EDIL3: variants seen among roughly 807,000 people sequenced by gnomAD.
EDIL3 encodes the protein EGF like and discoidin domains 3.
Under a neutral mutation model 67.4 loss-of-function variants are expected in EDIL3, and 37 were observed. The observed-to-expected ratio is 0.55, with a 90% CI of 0.42 to 0.72. EDIL3 has a LOEUF of 0.72. Among genes scored for constraint, EDIL3 ranks in the 30% least tolerant of loss-of-function variants. The pLI is 0.00. For missense variants in EDIL3, 527 were observed against 586.3 expected, an observed-to-expected ratio of 0.90 and a Z score of 1.04; for synonymous variants, 195 against 196.3, an observed-to-expected ratio of 0.99 and a Z score of 0.05.
intron 4 of EDIL3, among the ~76,000 whole-genome samples, chr5:84,161,004 T>G (rs753442289): frequency 2.0e-5 from 3 of 151,888 alleles, no homozygotes; most frequent in Non-Finnish European, 2.9e-5. Flanking sequence ...CCCACCCTTC[T>G]TCACAAGCCC....
chr5:84,134,302 T>C (rs922964071), intron 5 of EDIL3, among the ~76,000 whole-genome samples: 1 of 152,206 alleles, frequency 6.6e-6, no homozygotes, highest in African/African-American at 2.4e-5. Context: ...TTTGAAAATA[T>C]TTCATTTAAT....
intron 1 of EDIL3, among the ~76,000 whole-genome samples, chr5:84,275,644 T>C (rs536626863): frequency 6.6e-6 from 1 of 152,262 alleles, no homozygotes; most frequent in African/African-American, 2.4e-5. Flanking sequence ...TCTCTGGGAG[T>C]TCTTTAGCTT....
chr5:84,246,137 A>G (rs1352368775), intron 2 of EDIL3, among the ~76,000 whole-genome samples: 1 of 152,216 alleles, frequency 6.6e-6, no homozygotes, highest in African/African-American at 2.4e-5. Flanking sequence ...AAAATTAAAA[A>G]GAGAAGCAAC....
rs1265987698 is a variant in EDIL3, at chr5:84,048,304, G to A, written c.1137+11996C>T. ...ATAAATTGTTCAGAAGGCAAAATAA[G>A]TTAATGCTTTAATGAAGTTATAAAT... On this transcript the variant is annotated intron_variant, in intron 9 of 10. Transcript: ENST00000296591. 14 of 425,760 alleles carry A rather than the reference G, an allele frequency of 3.3e-5. No homozygotes were observed. The Admixed American group carries it at 3.7e-4, about 11-fold the overall frequency. 26.4% of individuals were successfully genotyped at this position (425,760 alleles called of 1,614,324 possible).
At chr5:84,254,059 T>C in intron 2 of EDIL3, 25 bp downstream of exon 2, 3 of 1,569,828 alleles carry the variant, frequency 1.9e-6, no homozygotes, top group South Asian at 2.5e-5. Flanking sequence ...AGATAACTAC[T>C]GAAATACTTA....
chr5:83,951,872 T>C (rs909006233), intron 10 of EDIL3, among the ~76,000 whole-genome samples: 1 of 151,756 alleles, frequency 6.6e-6, no homozygotes, highest in African/African-American at 2.4e-5. Flanking sequence ...GATTAGGGAA[T>C]CCTATTCTGC....
chr5:84,194,439 G>GA (rs1049790167), intron 3 of EDIL3, among the ~76,000 whole-genome samples: 8 of 151,632 alleles, frequency 5.3e-5, no homozygotes, highest in African/African-American at 1.2e-4. Context: ...ATGTGTGGAA[G>GA]AAAAAACCAA....
intron 1 of EDIL3, among the ~76,000 whole-genome samples, chr5:84,363,446 C>CAAA (rs34829764): frequency 2.6e-5 from 2 of 76,670 alleles, no homozygotes; most frequent in Non-Finnish European, 2.8e-5. Flanking sequence ...AAGACTCTGT[C>CAAA]AAAAAAAAAA....
chr5:84,144,871 T>C (rs1748266113), intron 4 of EDIL3, among the ~76,000 whole-genome samples: 1 of 152,122 alleles, frequency 6.6e-6, no homozygotes, highest in African/African-American at 2.4e-5. Flanking sequence ...ATCAACCATT[T>C]TGGAGTTTTT....
At chr5:84,217,504 C>A (rs1330524857) in intron 3 of EDIL3, among the ~76,000 whole-genome samples, 1 of 152,012 alleles carries the variant, frequency 6.6e-6, no homozygotes, top group Non-Finnish European at 1.5e-5. Flanking sequence ...AAAAAGATGA[C>A]CCTTGATAAT....
chr5:84,132,508 A>ATATTTTAATATAT (rs1748004591), intron 5 of EDIL3, among the ~76,000 whole-genome samples: 1 of 58,182 alleles, frequency 1.7e-5, no homozygotes, highest in Non-Finnish European at 3.4e-5. Context: ...TTTTATATAT[A>ATATTTTAATATAT]ATATATATTT....
At chr5:84,012,516 T>G (rs1561402703) in intron 9 of EDIL3, among the ~76,000 whole-genome samples, 3 of 152,108 alleles carry the variant, frequency 2.0e-5, no homozygotes, top group Admixed American at 2.0e-4. Context: ...TAAAACAAAC[T>G]CTTTTCATTT....
At chr5:84,303,826 G>A (rs200012057) in intron 1 of EDIL3, among the ~76,000 whole-genome samples, 28 of 146,504 alleles carry the variant, frequency 1.9e-4, no homozygotes, top group Non-Finnish European at 3.7e-4. Context: ...GTGTGTGTGT[G>A]TGTGTGTGTG....
chr5:84,117,221 G>A (rs1255077735), intron 5 of EDIL3, among the ~76,000 whole-genome samples: 2 of 151,562 alleles, frequency 1.3e-5, no homozygotes, highest in East Asian at 1.9e-4. Context: ...TAGTAGAGAC[G>A]GGGTTTCACC....
intron 2 of EDIL3, among the ~76,000 whole-genome samples, chr5:84,238,312 T>A (rs1466689957): frequency 6.6e-6 from 1 of 152,084 alleles, no homozygotes; most frequent in African/African-American, 2.4e-5. Flanking sequence ...AATTTTACAA[T>A]GGCTTTGAAA....
chr5:84,055,068 G>C (rs1408735292), intron 9 of EDIL3, among the ~76,000 whole-genome samples: 1 of 146,174 alleles, frequency 6.8e-6, no homozygotes, highest in African/African-American at 2.7e-5. Flanking sequence ...GTACTACAAG[G>C]CTACAGTAAC....
chr5:84,142,624 A>T (rs1463860205), intron 4 of EDIL3, among the ~76,000 whole-genome samples: 2 of 152,052 alleles, frequency 1.3e-5, no homozygotes, highest in African/African-American at 4.8e-5. Context: ...TTGGACCAGG[A>T]CATCTAATCC....
At chr5:84,219,998 G>A (rs1744309178) in intron 3 of EDIL3, among the ~76,000 whole-genome samples, 1 of 152,144 alleles carries the variant, frequency 6.6e-6, no homozygotes, top group African/African-American at 2.4e-5. Context: ...GATGGTTAAT[G>A]AGCATAAAAA....
chr5:84,017,830 C>T (rs1172464970), intron 9 of EDIL3, among the ~76,000 whole-genome samples: 3 of 151,946 alleles, frequency 2.0e-5, no homozygotes, highest in Non-Finnish European at 2.9e-5. Flanking sequence ...GAAAGTTTCT[C>T]TAATTACAAA....
Sources: allele counts gnomAD v4.1 joint callset (sites outside exome capture counted in the v4.1 genomes callset), GRCh38; gene constraint gnomAD v4.1.1; transcripts MANE v1.5; gene names NCBI Gene and HGNC (gene_info 2026-07-23, HGNC 2026-07-21).